The following GIT2 variants were observed in gnomAD, a reference collection of about 807,000 sequenced individuals.
GIT2 encodes the protein GIT ArfGAP 2.
GIT2 carries 32 observed loss-of-function variants against 100.3 expected under a neutral mutation model. The ratio of observed to expected loss-of-function variants is 0.32; its 90% CI spans 0.24 to 0.43. The LOEUF (loss-of-function observed/expected upper bound fraction) is 0.43, where lower values mean the gene tolerates loss of function less well. Ranked by LOEUF, GIT2 falls within the 20% of genes least tolerant of loss-of-function variation. GIT2 has a pLI of 1.00. For missense variants in GIT2, 737 were observed against 975.1 expected, an observed-to-expected ratio of 0.76 and a Z score of 3.25; for synonymous variants, 353 against 364.1, an observed-to-expected ratio of 0.97 and a Z score of 0.35.
chr12:109,965,113 C>G (rs990546001), intron 9 of GIT2, among the ~76,000 whole-genome samples: 10 of 152,138 alleles, frequency 6.6e-5, no homozygotes, highest in African/African-American at 2.4e-4. Context: ...ATCCAAATGG[C>G]AGCCAGTGAA....
rs2137044471 is a variant in GIT2 at position 109,996,232 on chromosome 12, A to C, written c.-8T>G. The C allele has an allele frequency of 6.5e-7, 1 of 1,527,964 alleles. No individual in the cohort carries two copies. The highest frequency in any genetic ancestry group is 1.2e-5 in the South Asian group (1 of 81,852). 94.7% of individuals were successfully genotyped at this position (1,527,964 alleles called of 1,614,324 possible). ...CCGGAGCCGTTTCGACATGGCTCCC[A>C]CCTCCCACCTGCGGGGAACTAGAGG... On this transcript the variant is annotated 5_prime_UTR_variant, in exon 1 of 20. Transcript: ENST00000355312.
At position 109,965,890 on chromosome 12, in the gene GIT2, T is replaced by TAA. The variant is rs987640947; in HGVS notation, c.765-315_765-314dup. The TAA allele has an allele frequency of 2.2e-5, 10 of 448,304 alleles. No homozygotes were observed. The East Asian group carries it at 5.9e-4, about 27-fold the overall frequency. The allele number at this position is 448,304 out of a possible 1,614,324, so 27.8% of individuals were successfully genotyped here. On this transcript the variant is annotated intron_variant, in intron 8 of 19. Transcript: ENST00000355312. ...TGAGGAGTCACAATTTTTGAAGTAT[T>TAA]AAAAAAAAAGCATGATATAAGAAAA...
At chr12:109,986,972 A>AAAAAAT (rs1250525992) in intron 4 of GIT2, among the ~76,000 whole-genome samples, 7 of 151,998 alleles carry the variant, frequency 4.6e-5, no homozygotes, top group Non-Finnish European at 7.4e-5. Flanking sequence ...AATAAAAAAT[A>AAAAAAT]AAAAATAAAA....
chr12:109,980,938 C>T lies in GIT2; in HGVS notation c.718+14G>A, dbSNP rs117137680. 6,488 of 1,512,950 alleles carry T rather than the reference C, an allele frequency of 4.3e-3. 29 individuals are homozygous for T. The highest frequency in any genetic ancestry group is 8.2e-3 in the Middle Eastern group (48 of 5,878). 93.7% of individuals were successfully genotyped at this position (1,512,950 alleles called of 1,614,324 possible). A position where few individuals can be genotyped will look rare whatever the true frequency, so the allele number is the denominator to read the frequency against. On this transcript the variant is annotated intron_variant, in intron 7 of 19. Transcript: ENST00000355312. Reference sequence around the variant, plus strand: ...CAACTGGAGATGTGAAACGGTCATTCTCCATCCACTCACCTGGTTTCCTGC... The same window carrying T: ...CAACTGGAGATGTGAAACGGTCATTTTCCATCCACTCACCTGGTTTCCTGC...
chr12:109,939,590 C>T (rs1873994736), intron 16 of GIT2: 2 of 163,496 alleles, frequency 1.2e-5, no homozygotes, highest in South Asian at 1.4e-4. Flanking sequence ...GTGGCTCACA[C>T]CTGTAATCCC....
chr12:109,965,445 A>G, intron 9 of GIT2, 81 bp downstream of exon 9: 1 of 778,770 alleles, frequency 1.3e-6, no homozygotes, highest in Non-Finnish European at 2.2e-6. Flanking sequence ...CAGACGCAAT[A>G]GGTAACCTGC....
At position 109,970,801 on chromosome 12, in the gene GIT2, A is replaced by T. The variant is rs899575069; in HGVS notation, c.719-3298T>A. Reference sequence around the variant, plus strand: ...TTTGAATTTTTAAATTATTATTATTATTTTTGGAAATGAGGTCTCACTCTG... The same window carrying T: ...TTTGAATTTTTAAATTATTATTATTTTTTTTGGAAATGAGGTCTCACTCTG... On this transcript the variant is annotated intron_variant, in intron 7 of 19. Transcript: ENST00000355312. Among the ~76,000 whole-genome samples, 3 of 152,078 alleles carry T rather than the reference A, an allele frequency of 2.0e-5. 1 individual carries two copies. Among genetic ancestry groups the T allele is most frequent in the Non-Finnish European group, 2.9e-5 (2 of 68,002 alleles).
chr12:109,951,346 T>A (rs747021936), intron 13 of GIT2, 30 bp from the exon 14 acceptor site: 12 of 1,575,106 alleles, frequency 7.6e-6, no homozygotes, highest in Admixed American at 1.7e-5. Flanking sequence ...ACGTTCACAA[T>A]CTGAGATGAC....
intron 6 of GIT2, chr12:109,982,081 A>C (rs1436993466): frequency 6.6e-6 from 1 of 152,210 alleles, no homozygotes; most frequent in Non-Finnish European, 1.5e-5. Context: ...TGCTCTGTGA[A>C]ATAATGAAGC....
At chr12:109,941,607 C>T (rs564696990) in intron 16 of GIT2, among the ~76,000 whole-genome samples, 4 of 151,776 alleles carry the variant, frequency 2.6e-5, no homozygotes, top group Non-Finnish European at 4.4e-5. Context: ...CTGCAACCTC[C>T]GCCTCCCAGG....
At chr12:109,954,760 G>A (rs1156643995) in intron 12 of GIT2, among the ~76,000 whole-genome samples, 4 of 151,960 alleles carry the variant, frequency 2.6e-5, no homozygotes, top group Non-Finnish European at 4.4e-5. Context: ...TTAGCTGGGC[G>A]TGGTGGTGCA....
chr12:109,945,883 C>T (rs951498390), intron 15 of GIT2, among the ~76,000 whole-genome samples: 4 of 152,216 alleles, frequency 2.6e-5, no homozygotes, highest in Non-Finnish European at 5.9e-5. Flanking sequence ...ACCTGTAATC[C>T]TAGCACTTTG....
chr12:109,972,254 C>G (rs1884069362), intron 7 of GIT2, among the ~76,000 whole-genome samples: 1 of 152,036 alleles, frequency 6.6e-6, no homozygotes, highest in South Asian at 2.1e-4. Context: ...AGAGTGGACA[C>G]CCTAGTCTTT....
rs1286118685 is a variant in GIT2, at chr12:109,944,343, C to A, written c.1731+917G>T. On this transcript the variant is annotated intron_variant, in intron 16 of 19. Coordinates refer to ENST00000355312, the MANE Select transcript of GIT2 (RefSeq NM_057169.5). ...TGTAAAGGTGGTCCCTTACCCACAG[C>A]CACCTTCCTCCTCTTACCTTACATT... 2.0e-5 allele frequency among the ~76,000 whole-genome samples: 3 copies of A among 152,322 alleles called. No homozygotes were observed. The South Asian group carries it at 6.2e-4, about 32-fold the overall frequency.
chr12:109,957,382 A>G (rs1463773649), intron 12 of GIT2, among the ~76,000 whole-genome samples: 3 of 152,204 alleles, frequency 2.0e-5, no homozygotes, highest in African/African-American at 7.2e-5. Flanking sequence ...CCAATCCTCC[A>G]GTCAGCAGAA....
chr12:109,982,315 A>G (rs1886456112), intron 6 of GIT2: 1 of 152,256 alleles, frequency 6.6e-6, no homozygotes, highest in Non-Finnish European at 1.5e-5. Flanking sequence ...ACCACAATGA[A>G]GAAACCCTAT....
intron 13 of GIT2, among the ~76,000 whole-genome samples, chr12:109,951,972 G>A (rs1325483764): frequency 6.6e-6 from 1 of 152,138 alleles, no homozygotes; most frequent in Non-Finnish European, 1.5e-5. Flanking sequence ...GCAGGTGTGT[G>A]GGATGGACTG....
intron 12 of GIT2, among the ~76,000 whole-genome samples, chr12:109,958,473 C>A (rs1042253068): frequency 1.3e-5 from 2 of 151,890 alleles, no homozygotes; most frequent in African/African-American, 4.8e-5. Context: ...AAACTCCTGA[C>A]CTCAAATGAT....
chr12:109,977,801 AAC>A (rs1403437684), intron 7 of GIT2, among the ~76,000 whole-genome samples: 3 of 141,658 alleles, frequency 2.1e-5, no homozygotes, highest in Non-Finnish European at 4.5e-5. Flanking sequence ...CAGCCTGGGC[AAC>A]AGAGAGATAC....
Sources: gnomAD v4.1 joint callset for allele counts (sites outside exome capture counted in the v4.1 genomes callset) on GRCh38, gnomAD v4.1.1 for gene constraint, MANE v1.5 for transcripts, NCBI Gene and HGNC (gene_info 2026-07-23, HGNC 2026-07-21) for gene names.